Variants in AZGP1 observed in about 807,000 individuals in gnomAD.
AZGP1 encodes zinc-alpha-2-glycoprotein.
In AZGP1, 28 loss-of-function variants were observed where a neutral mutation model predicts 31.5. The observed-to-expected ratio is 0.89, with a 90% CI of 0.66 to 1.22. The LOEUF (loss-of-function observed/expected upper bound fraction) is 1.22. Among genes scored for constraint, AZGP1 ranks in the 50% most tolerant of loss-of-function variants. The pLI is 0.00. For synonymous variants in AZGP1, 135 were observed against 145.4 expected (o/e 0.93, Z 0.51); for missense variants, 361 against 371.8 (o/e 0.97, Z 0.24).
At chr7:99,974,042 G>A (rs1789619933) in intron 1 of AZGP1, among the ~76,000 whole-genome samples, 1 of 152,098 alleles carries the variant, frequency 6.6e-6, no homozygotes, top group Admixed American at 6.6e-5. Context: ...GGAGGCTGAA[G>A]TGAGTGGATC....
At chr7:99,973,840 C>T (rs1290396231) in intron 1 of AZGP1, among the ~76,000 whole-genome samples, 3 of 149,410 alleles carry the variant, frequency 2.0e-5, no homozygotes, top group Non-Finnish European at 3.0e-5. Flanking sequence ...CGCTTAAGCC[C>T]GGGAGGCAGA....
At chr7:99,967,917 G>T (rs550885919) in intron 3 of AZGP1, 204 of 625,790 alleles carry the variant, frequency 3.3e-4, no homozygotes, top group Admixed American at 5.8e-4. Flanking sequence ...ATGATTTGGG[G>T]ACACTCATCA....
intron 1 of AZGP1, among the ~76,000 whole-genome samples, chr7:99,974,759 C>T (rs551555319): frequency 6.6e-6 from 1 of 152,088 alleles, no homozygotes; most frequent in Non-Finnish European, 1.5e-5. Flanking sequence ...CTCATGTACC[C>T]CATAAATATA....
In AZGP1 at chr7:99,968,133, G is replaced by A. The variant is rs901209843; in HGVS notation, c.613+22C>T. 5.0e-6 allele frequency: 8 copies of A among 1,613,098 alleles called. No homozygotes were observed. The African/African-American group carries it at 1.1e-4, about 22-fold the overall frequency. On this transcript the variant is annotated intron_variant, in intron 3 of 3. Coordinates refer to ENST00000292401, the MANE Select transcript of AZGP1 (RefSeq NM_001185.4). ...GTCTTTTATTCTGGGCTCAGTACTG[G>A]GGAGCAGGAAGCAGTGAGTACCTTG... is the stretch of plus-strand genomic sequence containing the variant.
chr7:99,967,151 A>T lies in AZGP1; in HGVS notation c.749T>A (p.Leu250Ter). ...TCCATTGTGAAGAACATCTCCCCGT[A>T]ACTCAGGCTCCTGCACCTCGCCGGC... The part of the protein sequence containing the change: ...TRAGEVQEPE[L>*]RGDVLHNGNG... The change falls in exon 4 of 4, where the codon TTA (leucine) becomes TAA (stop). Residue 250 changes from leucine to a stop codon, truncating the protein, a stop_gained. Transcript: ENST00000292401. LOFTEE classifies it high-confidence loss of function. 2 of 1,614,186 alleles carry T rather than the reference A, an allele frequency of 1.2e-6. No homozygotes were observed. The highest frequency in any genetic ancestry group is 1.7e-6 in the Non-Finnish European group (2 of 1,180,034).
rs756013976 is a variant in AZGP1, at chr7:99,968,357, A to G, written c.411T>C (p.Tyr137=). ...NNRSSGAFWK[Y]YYDGKDYIEF... ...CAATGTAGTCCTTTCCATCATAGTA[A>G]TATTTCCAGAATGCTCCGCTGCTTC... Residue 137 remains tyrosine (Y), a synonymous_variant, in exon 3 of 4, where the codon TAT becomes TAC. Coordinates refer to ENST00000292401, the MANE Select transcript of AZGP1 (RefSeq NM_001185.4). 1.6e-5 allele frequency: 26 copies of G among 1,613,564 alleles called. No homozygotes were observed. In the South Asian group the frequency reaches 2.7e-4, roughly 17 times the overall value.
intron 1 of AZGP1, among the ~76,000 whole-genome samples, chr7:99,975,499 G>A (rs1376700385): frequency 1.3e-5 from 2 of 152,024 alleles, no homozygotes; most frequent in Non-Finnish European, 1.5e-5. Flanking sequence ...TTTGGGCACG[G>A]GTTTCCTTCT....
At chr7:99,972,077 A>G (rs1584301245) in intron 1 of AZGP1, 71 bp from the exon 2 acceptor site, 8 of 1,492,492 alleles carry the variant, frequency 5.4e-6, no homozygotes. Flanking sequence ...TAGGGCTAGG[A>G]GGGGAGACCT....
chr7:99,975,810 T>C (rs1403839907), intron 1 of AZGP1, 135 bp downstream of exon 1: 5 of 903,714 alleles, frequency 5.5e-6, no homozygotes, highest in Non-Finnish European at 8.9e-6. Context: ...CTGAGGGAGT[T>C]GACAGCCTTG....
chr7:99,972,197 G>C (rs1437652067), intron 1 of AZGP1, among the ~76,000 whole-genome samples, 191 bp from the exon 2 acceptor site: 2 of 152,174 alleles, frequency 1.3e-5, no homozygotes, highest in East Asian at 3.9e-4. Flanking sequence ...ATATTTCAGA[G>C]ACCATCCTGT....
intron 2 of AZGP1, among the ~76,000 whole-genome samples, chr7:99,970,235 T>TTTTTTTG (rs59340776): frequency 6.6e-6 from 1 of 150,872 alleles, no homozygotes; most frequent in Non-Finnish European, 1.5e-5. Flanking sequence ...TATTATTTCC[T>TTTTTTTG]TTTTTTGTTT....
rs1047339180 is a variant in AZGP1 at position 99,975,471 on chromosome 7, T to C, written c.76+474A>G. The stretch of plus-strand genomic sequence containing the variant: ...CACTCGCCTTCCAGACCCACTGCAG[T>C]GGTGTCTGAGTGTGGGATTTGGGCA... On this transcript the variant is annotated intron_variant, in intron 1 of 3. Coordinates refer to ENST00000292401, the MANE Select transcript of AZGP1 (RefSeq NM_001185.4). Among the ~76,000 whole-genome samples the C allele has an allele frequency of 1.6e-4, 24 of 152,206 alleles. No homozygotes were observed. In the South Asian group the frequency reaches 3.7e-3, roughly 24 times the overall value.
intron 2 of AZGP1, among the ~76,000 whole-genome samples, chr7:99,970,977 T>C (rs911311128): frequency 2.0e-5 from 3 of 152,196 alleles, no homozygotes; most frequent in Admixed American, 6.5e-5. Context: ...CCAGCTCCTC[T>C]GACCATAGCG....
At chr7:99,974,031 G>A (rs1789619821) in intron 1 of AZGP1, among the ~76,000 whole-genome samples, 2 of 151,194 alleles carry the variant, frequency 1.3e-5, no homozygotes, top group Non-Finnish European at 3.0e-5. Flanking sequence ...CCAGCACTCT[G>A]GGAGGCTGAA....
At chr7:99,972,468 G>A (rs1176000760) in intron 1 of AZGP1, among the ~76,000 whole-genome samples, 1 of 152,184 alleles carries the variant, frequency 6.6e-6, no homozygotes, top group East Asian at 1.9e-4. Context: ...GTCACCCCAT[G>A]GAGGAATGGA....
intron 2 of AZGP1, among the ~76,000 whole-genome samples, chr7:99,970,339 G>A (rs1368835507): frequency 6.6e-6 from 1 of 152,100 alleles, no homozygotes; most frequent in Admixed American, 6.6e-5. Context: ...TGCCTCCTGG[G>A]TTCAAGCAAT....
rs1333206236 is a variant in AZGP1, at chr7:99,966,965, T to G, written c.*38A>C. On this transcript the variant is annotated 3_prime_UTR_variant, in exon 4 of 4. Coordinates refer to ENST00000292401, the MANE Select transcript of AZGP1 (RefSeq NM_001185.4). ...CACATCAGGCAGGAAGGGCAGCTAC[T>G]GGGTCTGAGATCCCACATTGCCTCC... 1 of 1,597,530 alleles carries G rather than the reference T, an allele frequency of 6.3e-7. No homozygotes were observed. The highest frequency in any genetic ancestry group is 8.5e-7 in the Non-Finnish European group (1 of 1,170,168).
intron 3 of AZGP1, 89 bp downstream of exon 3, chr7:99,968,066 G>A (rs1476045328): frequency 5.3e-6 from 8 of 1,522,874 alleles, no homozygotes; most frequent in Non-Finnish European, 6.3e-6. Context: ...AGGAACAGAT[G>A]AGACCGGACT....
intron 1 of AZGP1, among the ~76,000 whole-genome samples, chr7:99,974,397 C>A (rs1789626178): frequency 6.6e-6 from 1 of 151,524 alleles, no homozygotes; most frequent in South Asian, 2.1e-4. Context: ...ACTAGCCTGG[C>A]CAACATGATG....
Sources: allele counts gnomAD v4.1 joint callset (sites outside exome capture counted in the v4.1 genomes callset), GRCh38; gene constraint gnomAD v4.1.1; transcripts MANE v1.5; gene names NCBI Gene and HGNC (gene_info 2026-07-23, HGNC 2026-07-21).